FABP7: variants seen among roughly 807,000 people sequenced by gnomAD.
The protein encoded by FABP7 is fatty acid binding protein 7.
In FABP7, 13 loss-of-function variants were observed where a neutral mutation model predicts 14.2. The ratio of observed to expected loss-of-function variants is 0.91; its 90% CI spans 0.59 to 1.45. FABP7 has a LOEUF of 1.45. FABP7 is among the 40% of genes most tolerant of loss of function. FABP7 has a pLI of 0.00. For missense variants in FABP7, 149 were observed against 157.6 expected (o/e 0.95, Z 0.29); for synonymous variants, 49 against 51.4 (o/e 0.95, Z 0.20).
chr6:122,775,994 A>G (rs115090232), upstream of FABP7, among the ~76,000 whole-genome samples: 343 of 152,276 alleles, frequency 2.3e-3, 2 homozygotes, highest in African/African-American at 7.9e-3. Flanking sequence ...CCACAATGAG[A>G]TATCACCTCA....
chr6:122,749,696 C>A, the FABP7 span, among the ~76,000 whole-genome samples: 2 of 152,126 alleles, frequency 1.3e-5, no homozygotes, highest in Non-Finnish European at 2.9e-5. Context: ...TGCCAGTCTG[C>A]AAAACAAATA....
At chr6:122,757,491 G>C in the FABP7 span, among the ~76,000 whole-genome samples, 1 of 151,994 alleles carries the variant, frequency 6.6e-6, no homozygotes, top group Non-Finnish European at 1.5e-5. Flanking sequence ...TCAGATATTA[G>C]ATGCAATGTC....
the FABP7 span, among the ~76,000 whole-genome samples, chr6:122,758,577 C>T: frequency 0.014 from 2,083 of 152,106 alleles, 18 homozygotes; most frequent in Non-Finnish European, 0.021. Flanking sequence ...CAAAAAAAAT[C>T]GCTAAGAAAG....
the FABP7 span, among the ~76,000 whole-genome samples, chr6:122,758,105 C>CTT: frequency 2.4e-3 from 287 of 118,372 alleles, 8 homozygotes; most frequent in African/African-American, 5.1e-3. Context: ...TATTATCTAG[C>CTT]TTTTTTTTTT....
At chr6:122,782,791 G>A (rs1780825726) in intron 3 of FABP7, 2 of 985,210 alleles carry the variant, frequency 2.0e-6, no homozygotes, top group South Asian at 4.7e-5. Context: ...ATGTTTCTGT[G>A]GAGATGGAGG....
At chr6:122,776,446 A>C (rs1780674342), upstream of FABP7, among the ~76,000 whole-genome samples, 2 of 152,136 alleles carry the variant, frequency 1.3e-5, no homozygotes, top group African/African-American at 4.8e-5. Context: ...TTTTTAACTC[A>C]TATGTGGGAG....
upstream of FABP7, chr6:122,779,671 C>T (rs1780731599): frequency 1.2e-6 from 1 of 824,560 alleles, no homozygotes; most frequent in Non-Finnish European, 2.0e-6. Context: ...TGGATTTTTG[C>T]CCACCCTCTT....
intron 3 of FABP7, chr6:122,783,303 T>C: frequency 1.0e-6 from 1 of 985,390 alleles, no homozygotes. Context: ...TCAGCTCAAA[T>C]GACTGGATTT....
upstream of FABP7, among the ~76,000 whole-genome samples, chr6:122,774,771 CAA>C (rs575030976): frequency 5.7e-5 from 6 of 105,500 alleles, no homozygotes; most frequent in South Asian, 3.0e-4. Context: ...AAGACTCTTC[CAA>C]AAAAAAAAAA....
the FABP7 span, among the ~76,000 whole-genome samples, chr6:122,764,347 T>C: frequency 6.6e-6 from 1 of 151,498 alleles, no homozygotes. Flanking sequence ...ATGAGAACAC[T>C]TGGACACAGG....
rs997855705 is a variant in FABP7 at position 122,781,394 on chromosome 6, A to C, written c.348+200A>C. 5.6e-6 allele frequency: 8 copies of C among 1,429,450 alleles called. No individual in the cohort carries two copies. In the African/African-American group the frequency reaches 1.2e-4, roughly 21 times the overall value. 88.5% of individuals were successfully genotyped at this position (1,429,450 alleles called of 1,614,324 possible). ...CCAGTTAATTTTCTTCTTCAGCTCAACTTCTTTGATTGTAGAAAAAGAGAA... is the reference window on the plus strand; with the variant it reads ...CCAGTTAATTTTCTTCTTCAGCTCACCTTCTTTGATTGTAGAAAAAGAGAA... On this transcript the variant is annotated intron_variant, in intron 3 of 3. Coordinates refer to ENST00000368444, the MANE Select transcript of FABP7 (RefSeq NM_001446.5).
chr6:122,753,018 C>G, the FABP7 span, among the ~76,000 whole-genome samples: 2 of 152,220 alleles, frequency 1.3e-5, no homozygotes, highest in African/African-American at 4.8e-5. Context: ...AAAGGCAAAG[C>G]AAAAGAAAGA....
At chr6:122,777,264 C>T (rs928826735), upstream of FABP7, among the ~76,000 whole-genome samples, 15 of 152,122 alleles carry the variant, frequency 9.9e-5, no homozygotes, top group Non-Finnish European at 1.8e-4. Context: ...AACAAAACAA[C>T]TGTTTGAGAA....
chr6:122,763,355 G>A, the FABP7 span, among the ~76,000 whole-genome samples: 7 of 152,212 alleles, frequency 4.6e-5, no homozygotes, highest in Admixed American at 4.6e-4. Flanking sequence ...GCTGAAACTG[G>A]ATCCCTTCCT....
intron 1 of FABP7, 49 bp downstream of exon 1, chr6:122,779,916 A>G: frequency 1.3e-6 from 2 of 1,557,536 alleles, no homozygotes; most frequent in South Asian, 1.1e-5. Context: ...GCAGCTTTAG[A>G]TATTTGCAGA....
At chr6:122,758,057 G>C in the FABP7 span, among the ~76,000 whole-genome samples, 1 of 148,424 alleles carries the variant, frequency 6.7e-6, no homozygotes, top group East Asian at 2.0e-4. Flanking sequence ...TTACTTCATT[G>C]CAATGCAATA....
At chr6:122,752,225 G>C in the FABP7 span, among the ~76,000 whole-genome samples, 2 of 152,210 alleles carry the variant, frequency 1.3e-5, no homozygotes, top group Admixed American at 6.5e-5. Flanking sequence ...TAGTAACTCT[G>C]TGTTCTGAGG....
chr6:122,781,837 G>A, intron 3 of FABP7: 1 of 500,784 alleles, frequency 2.0e-6, no homozygotes, highest in Non-Finnish European at 2.6e-6. Context: ...TGCTTCATGG[G>A]CTCAAGCGAT....
the FABP7 span, among the ~76,000 whole-genome samples, chr6:122,755,747 G>A: frequency 5.3e-5 from 8 of 152,096 alleles, no homozygotes; most frequent in South Asian, 2.1e-4. Flanking sequence ...ATGAGCCACC[G>A]CGCGTGGCCT....
Sources: allele counts gnomAD v4.1 joint callset (sites outside exome capture counted in the v4.1 genomes callset), GRCh38; gene constraint gnomAD v4.1.1; transcripts MANE v1.5; gene names NCBI Gene and HGNC (gene_info 2026-07-23, HGNC 2026-07-21).